Variants in SLCO2B1 observed in about 807,000 individuals in gnomAD.
The protein encoded by SLCO2B1 is solute carrier organic anion transporter family member 2B1.
Under a neutral mutation model 67.3 loss-of-function variants are expected in SLCO2B1, and 41 were observed. The observed-to-expected ratio is 0.61, with a 90% CI of 0.47 to 0.79. The LOEUF (loss-of-function observed/expected upper bound fraction) is 0.79, where lower values mean the gene tolerates loss of function less well. SLCO2B1 is among the 30% of genes least tolerant of loss of function. The pLI, the probability that SLCO2B1 is intolerant of heterozygous loss-of-function variation, is 0.00. For missense variants in SLCO2B1, 837 were observed against 920.1 expected, an observed-to-expected ratio of 0.91 and a Z score of 1.17; for synonymous variants, 379 against 381.4, an observed-to-expected ratio of 0.99 and a Z score of 0.07.
intron 7 of SLCO2B1, among the ~76,000 whole-genome samples, chr11:75,185,524 T>G (rs1329697029): frequency 1.6e-5 from 2 of 124,282 alleles, no homozygotes; most frequent in Non-Finnish European, 3.6e-5. Context: ...TTTTTTTTTG[T>G]GAAACAGGGT....
chr11:75,191,900 G>A (rs1321594649), intron 8 of SLCO2B1, among the ~76,000 whole-genome samples: 2 of 152,212 alleles, frequency 1.3e-5, no homozygotes, highest in African/African-American at 4.8e-5. Context: ...GAGAGGAAAG[G>A]ACTTACCCAC....
chr11:75,176,541 G>C lies in SLCO2B1; in HGVS notation c.972+3972G>C, dbSNP rs984228008. Reference sequence around the variant, plus strand: ...ACATTATGCTAAAAGTCTGTGCCTCGAATGGTCTATGACTCCCCAAATCCA... The same window carrying C: ...ACATTATGCTAAAAGTCTGTGCCTCCAATGGTCTATGACTCCCCAAATCCA... On this transcript the variant is annotated intron_variant, in intron 7 of 13. Transcript: ENST00000289575. 4.6e-5 allele frequency among the ~76,000 whole-genome samples: 7 copies of C among 152,214 alleles called. 1 individual carries two copies. The highest frequency in any genetic ancestry group is 2.1e-4 in the South Asian group (1 of 4,826).
chr11:75,188,086 T>A lies in SLCO2B1; in HGVS notation c.973-50T>A, dbSNP rs1450079331. 6 of 1,329,228 alleles carry A rather than the reference T, an allele frequency of 4.5e-6. No homozygotes were observed. The South Asian group carries it at 7.3e-5, about 16-fold the overall frequency. The allele number at this position is 1,329,228 out of a possible 1,614,324, so 82.3% of individuals were successfully genotyped here. On this transcript the variant is annotated intron_variant, in intron 7 of 13. Coordinates refer to ENST00000289575, the MANE Select transcript of SLCO2B1 (RefSeq NM_007256.5). ...TCCCCAGCCCACAGCCAACTCTGAG[T>A]GGGGTTGCTGGCATCCAGCGGACTG...
chr11:75,170,333 A>T (rs576948252), intron 6 of SLCO2B1, among the ~76,000 whole-genome samples: 1 of 152,328 alleles, frequency 6.6e-6, no homozygotes, highest in South Asian at 2.1e-4. Context: ...TGCCAGGGGC[A>T]CCATTTGGGA....
At chr11:75,194,278 T>C (rs1320444998) in intron 9 of SLCO2B1, among the ~76,000 whole-genome samples, 1 of 152,238 alleles carries the variant, frequency 6.6e-6, no homozygotes, top group Admixed American at 6.5e-5. Context: ...TTGGAGAGGA[T>C]GTTGGAAGTC....
At chr11:75,158,399 T>A (rs918032586) in intron 1 of SLCO2B1, among the ~76,000 whole-genome samples, 4 of 152,236 alleles carry the variant, frequency 2.6e-5, no homozygotes, top group African/African-American at 9.6e-5. Flanking sequence ...AAAGAGTGTG[T>A]GAGCTAATGG....
At chr11:75,162,615 G>A (rs750570309) in intron 1 of SLCO2B1, 40 bp from the exon 2 acceptor site, 2 of 1,595,600 alleles carry the variant, frequency 1.3e-6, no homozygotes, top group East Asian at 2.2e-5. Context: ...CATTCTCGGG[G>A]ATTCTATCTA....
chr11:75,201,249 C>G (rs1458923868), intron 11 of SLCO2B1: 1 of 152,146 alleles, frequency 6.6e-6, no homozygotes, highest in East Asian at 1.9e-4. Flanking sequence ...GTCTCGAACT[C>G]CTGACCTCAG....
chr11:75,204,348 C>T, intron 13 of SLCO2B1, 52 bp from the exon 14 acceptor site: 1 of 1,524,348 alleles, frequency 6.6e-7, no homozygotes, highest in South Asian at 1.3e-5. Flanking sequence ...TGCTGACGTC[C>T]ATGCCCTGGC....
At chr11:75,165,990 T>C (rs768227676) in intron 4 of SLCO2B1, 41 bp downstream of exon 4, 1 of 1,591,210 alleles carries the variant, frequency 6.3e-7, no homozygotes, top group Non-Finnish European at 8.6e-7. Flanking sequence ...GACGTTAGCC[T>C]CTGCATTGCT....
chr11:75,161,811 C>G (rs1233787709), intron 1 of SLCO2B1, among the ~76,000 whole-genome samples: 3 of 152,152 alleles, frequency 2.0e-5, no homozygotes, highest in African/African-American at 7.2e-5. Flanking sequence ...GGGCTCCCCA[C>G]TGAGAGTGAG....
At chr11:75,176,124 CT>C (rs1950020139) in intron 7 of SLCO2B1, among the ~76,000 whole-genome samples, 1 of 152,214 alleles carries the variant, frequency 6.6e-6, no homozygotes. Flanking sequence ...GGCCCATGGA[CT>C]CCTGGCAGAT....
At chr11:75,204,258 C>T in intron 13 of SLCO2B1, 142 bp from the exon 14 acceptor site, 1 of 848,858 alleles carries the variant, frequency 1.2e-6, no homozygotes, top group South Asian at 2.0e-5. Flanking sequence ...AGCCTCTCCC[C>T]CTCCTCCAGG....
Position 75,203,291 on chromosome 11 carries a change from G to C in SLCO2B1, c.1829-16G>C, listed in dbSNP as rs1162150651. 14 of 1,611,614 alleles carry C rather than the reference G, an allele frequency of 8.7e-6. No homozygotes were observed. The highest frequency in any genetic ancestry group is 1.2e-5 in the Non-Finnish European group (14 of 1,179,840). On this transcript the variant is annotated splice_polypyrimidine_tract_variant and intron_variant, in intron 12 of 13. Transcript: ENST00000289575. Reference sequence around the variant, plus strand: ...ACGGTGGGCCTTCATTGTCCCCTGAGCACCACCTCCCTCAGCCTGGATGCC... The same window carrying C: ...ACGGTGGGCCTTCATTGTCCCCTGACCACCACCTCCCTCAGCCTGGATGCC...
chr11:75,151,652 C>T (rs1310832889), intron 1 of SLCO2B1: 1 of 556,738 alleles, frequency 1.8e-6, no homozygotes, highest in Non-Finnish European at 3.2e-6. Flanking sequence ...GAGACCGAGA[C>T]TTAGAGGACA....
At chr11:75,200,675 C>T (rs1591838850) in intron 11 of SLCO2B1, 1 of 311,930 alleles carries the variant, frequency 3.2e-6, no homozygotes, top group East Asian at 5.6e-5. Context: ...GCCCAGGCTC[C>T]TACTTGCCCA....
intron 9 of SLCO2B1, among the ~76,000 whole-genome samples, chr11:75,194,806 C>G (rs929211306): frequency 6.6e-6 from 1 of 152,070 alleles, no homozygotes; most frequent in Non-Finnish European, 1.5e-5. Context: ...TCTCACACAC[C>G]CCATCTCTCT....
At chr11:75,195,164 G>A (rs941944835) in intron 9 of SLCO2B1, among the ~76,000 whole-genome samples, 9 of 152,208 alleles carry the variant, frequency 5.9e-5, no homozygotes, top group Admixed American at 5.2e-4. Context: ...AGAGCCTGGA[G>A]CCAGGACTCT....
At position 75,187,897 on chromosome 11, in the gene SLCO2B1, T is replaced by C. The variant is rs752848001; in HGVS notation, c.973-239T>C. 1.2e-4 allele frequency among the ~76,000 whole-genome samples: 18 copies of C among 152,324 alleles called. No individual in the cohort carries two copies. The South Asian group carries it at 1.4e-3, about 12-fold the overall frequency. On this transcript the variant is annotated intron_variant, in intron 7 of 13. Transcript: ENST00000289575. ...AATAGTGGTCATGACAACTAACCCA[T>C]GTGGATACTGGTGATGACAAAGTTT... is the stretch of plus-strand genomic sequence containing the variant.
Sources: gnomAD v4.1 joint callset for allele counts (sites outside exome capture counted in the v4.1 genomes callset) on GRCh38, gnomAD v4.1.1 for gene constraint, MANE v1.5 for transcripts, NCBI Gene and HGNC (gene_info 2026-07-23, HGNC 2026-07-21) for gene names.